The following GATA4 variants were observed in gnomAD, a reference collection of about 807,000 sequenced individuals.
The protein encoded by GATA4 is transcription factor GATA-4.
In GATA4, 7 loss-of-function variants were observed where a neutral mutation model predicts 37.9. The observed-to-expected ratio is 0.18, with a 90% CI of 0.11 to 0.35. The LOEUF is 0.35. Ranked by LOEUF, GATA4 falls within the 10% of genes least tolerant of loss-of-function variation. GATA4 has a pLI of 1.00. For missense variants in GATA4, 647 were observed against 653.0 expected, an observed-to-expected ratio of 0.99 and a Z score of 0.10; for synonymous variants, 372 against 292.6, an observed-to-expected ratio of 1.27 and a Z score of -2.77.
At chr8:11,680,997 C>T (rs1430586418) in intron 1 of GATA4, 1 of 951,042 alleles carries the variant, frequency 1.1e-6, no homozygotes, top group Non-Finnish European at 1.3e-6. Context: ...GCAGAGAGAC[C>T]CCGCACCCCC....
rs1800092806 is a variant in GATA4, at chr8:11,709,838, C to G, written c.616+910C>G. On this transcript the variant is annotated intron_variant, in intron 2 of 6. Transcript: ENST00000532059. This position sits in a 1 kb window ranked among gnomAD's most constrained non-coding sequence, Gnocchi z 4.3. ...AAACGCAGCGGGATCTGAGAAGGGG[C>G]CTGAGTACACGGGCCGGGGGAGAAA... Among the ~76,000 whole-genome samples, 1 of 152,094 alleles carries G rather than the reference C, an allele frequency of 6.6e-6. No individual in the cohort carries two copies. The highest frequency in any genetic ancestry group is 1.5e-5 in the Non-Finnish European group (1 of 67,996).
chr8:11,746,529 C>A (rs536817293), intron 2 of GATA4, among the ~76,000 whole-genome samples: 3 of 152,224 alleles, frequency 2.0e-5, no homozygotes, highest in Non-Finnish European at 2.9e-5. Context: ...GTGTTTATTG[C>A]GAACACCCAA....
chr8:11,679,252 C>T (rs1261169735), intron 1 of GATA4, among the ~76,000 whole-genome samples: 2 of 151,958 alleles, frequency 1.3e-5, no homozygotes, highest in East Asian at 1.9e-4. Context: ...CCCTGAAGGC[C>T]CTGCCTCGGA....
At position 11,680,813 on chromosome 8, in the gene GATA4, C is replaced by T. The variant is rs1188979002; in HGVS notation, c.-274+3750C>T. ...GCCCCTCGCCCTGCTCACCCCGACGCCTCGGTCCCCACGCTCTGGGCAGCA... is the reference window on the plus strand; with the variant it reads ...GCCCCTCGCCCTGCTCACCCCGACGTCTCGGTCCCCACGCTCTGGGCAGCA... On this transcript the variant is annotated intron_variant, in intron 1 of 6. Coordinates refer to the GATA4 transcript ENST00000528712. The T allele has an allele frequency of 5.1e-6, 5 of 985,282 alleles. No individual in the cohort carries two copies. In the African/African-American group the frequency reaches 7.0e-5, roughly 14 times the overall value. 61.0% of individuals were successfully genotyped at this position (985,282 alleles called of 1,614,324 possible).
In GATA4 at chr8:11,723,351, A is replaced by C. The variant is rs571835534; in HGVS notation, c.616+14423A>C. On this transcript the variant is annotated intron_variant, in intron 2 of 6. Coordinates refer to ENST00000532059, the MANE Select transcript of GATA4 (RefSeq NM_001308093.3). ...GCAAGACCCTGTGTTAAAAAAAAAA[A>C]ACAAAAAAACCTCATGGGTTTAAAC... is the stretch of plus-strand genomic sequence containing the variant. Among the ~76,000 whole-genome samples the C allele has an allele frequency of 2.6e-5, 4 of 152,180 alleles. No homozygotes were observed. The South Asian group carries it at 6.2e-4, about 24-fold the overall frequency.
In GATA4 at chr8:11,704,300, A is replaced by C. The variant is rs1002361227; in HGVS notation, c.-462A>C. On this transcript the variant is annotated 5_prime_UTR_variant, in exon 1 of 7. Coordinates refer to ENST00000532059, the MANE Select transcript of GATA4 (RefSeq NM_001308093.3). ...GAGCGTGCGCGGAACCTCCAGGCCC[A>C]GCAGGTAGGGCTTTTTTCTTCCCTT... The C allele has an allele frequency of 6.6e-6, 1 of 152,244 alleles. No individual in the cohort carries two copies. The allele number at this position is 152,244 out of a possible 1,614,324, so 9.4% of individuals were successfully genotyped here. A position where few individuals can be genotyped will look rare whatever the true frequency, so the allele number is the denominator to read the frequency against.
chr8:11,750,280 C>G, intron 4 of GATA4, 44 bp downstream of exon 4: 1 of 1,607,596 alleles, frequency 6.2e-7, no homozygotes, highest in Non-Finnish European at 8.5e-7. Context: ...CCTTCTGATG[C>G]CCATCTCTCA....
At chr8:11,704,771 G>C (rs1405114085) in intron 1 of GATA4, among the ~76,000 whole-genome samples, 1 of 152,236 alleles carries the variant, frequency 6.6e-6, no homozygotes, top group Non-Finnish European at 1.5e-5. Flanking sequence ...GTGCCAGGCA[G>C]CTCCGCTGGG....
chr8:11,728,055 A>G (rs1801019948), intron 2 of GATA4, among the ~76,000 whole-genome samples: 2 of 151,600 alleles, frequency 1.3e-5, no homozygotes, highest in African/African-American at 2.4e-5. Flanking sequence ...CAGTGGTGCA[A>G]TCTCAGCTCA....
chr8:11,744,479 G>A (rs141535687), intron 2 of GATA4, among the ~76,000 whole-genome samples: 7 of 152,322 alleles, frequency 4.6e-5, no homozygotes, highest in East Asian at 1.9e-4. Context: ...CCCTGGCTTC[G>A]GAATCACTCT....
chr8:11,708,774 C>A lies in GATA4; in HGVS notation c.462C>A (p.Phe154Leu). Reference protein sequence around the residue: ...AGREQYGRAGFAGSYSSPYPA... With the variant: ...AGREQYGRAGLAGSYSSPYPA... ...GCGAGCAGTACGGGCGCGCCGGCTT[C>A]GCGGGCTCCTACTCCAGCCCCTACC... The change falls in exon 2 of 7, where the codon TTC (phenylalanine) becomes TTA (leucine). Residue 154 changes from phenylalanine (F) to leucine (L), a missense_variant. By Grantham distance (22) the Phe-to-Leu change is conservative. This residue lies in a region of GATA4 where 379 missense variants were observed against 334.5 expected (regional missense o/e 1.13). Transcript: ENST00000532059. The surrounding 1 kb of genome is among the most constrained non-coding windows in gnomAD (Gnocchi z 6.7). 1 of 1,435,184 alleles carries A rather than the reference C, an allele frequency of 7.0e-7. No homozygotes were observed. The highest frequency in any genetic ancestry group is 9.1e-7 in the Non-Finnish European group (1 of 1,099,564). The allele number at this position is 1,435,184 out of a possible 1,614,324, so 88.9% of individuals were successfully genotyped here.
chr8:11,679,170 G>C (rs1008686904), intron 1 of GATA4, among the ~76,000 whole-genome samples: 29 of 59,386 alleles, frequency 4.9e-4, no homozygotes, highest in African/African-American at 1.1e-3. Flanking sequence ...GCAATTATCC[G>C]AATAATTGCG....
intron 2 of GATA4, among the ~76,000 whole-genome samples, chr8:11,736,599 G>C (rs1172367114): frequency 1.3e-5 from 2 of 152,254 alleles, no homozygotes. Context: ...AGACCCCGGG[G>C]GGTGTGGATG....
At chr8:11,752,943 A>G (rs1802372478) in intron 4 of GATA4, among the ~76,000 whole-genome samples, 1 of 152,250 alleles carries the variant, frequency 6.6e-6, no homozygotes, top group Admixed American at 6.5e-5. Flanking sequence ...GTTCTTCAAT[A>G]TGGGAATGGT....
At chr8:11,704,189 C>G (rs896459871), upstream of GATA4, 1 of 152,238 alleles carries the variant, frequency 6.6e-6, no homozygotes. Flanking sequence ...GCCGGGGACC[C>G]GAGCCGCGAG....
At chr8:11,683,365 G>A (rs1799039233) in intron 1 of GATA4, among the ~76,000 whole-genome samples, 1 of 152,210 alleles carries the variant, frequency 6.6e-6, no homozygotes, top group African/African-American at 2.4e-5. Context: ...GCTGATGCCG[G>A]TAAATAGTAA....
intron 2 of GATA4, among the ~76,000 whole-genome samples, chr8:11,746,514 A>G (rs757902805): frequency 2.0e-5 from 3 of 152,230 alleles, no homozygotes; most frequent in Non-Finnish European, 4.4e-5. Flanking sequence ...TGGTAGCGCC[A>G]CCCAGTGTTT....
At chr8:11,699,834 T>A (rs1322340459), upstream of GATA4, among the ~76,000 whole-genome samples, 1 of 152,288 alleles carries the variant, frequency 6.6e-6, no homozygotes, top group Non-Finnish European at 1.5e-5. Context: ...TTATGAGATA[T>A]AAACTTTTTT....
chr8:11,705,189 G>T (rs778187284), intron 1 of GATA4, among the ~76,000 whole-genome samples: 1 of 152,368 alleles, frequency 6.6e-6, no homozygotes, highest in Non-Finnish European at 1.5e-5. Flanking sequence ...CCCGCACCGT[G>T]GAGGTTGGGG....
Sources: allele counts gnomAD v4.1 joint callset (sites outside exome capture counted in the v4.1 genomes callset), GRCh38; gene constraint gnomAD v4.1.1; regional missense constraint gnomAD v4.1.1; non-coding constraint Gnocchi (gnomAD v3.1); transcripts MANE v1.5; gene names NCBI Gene and HGNC (gene_info 2026-07-23, HGNC 2026-07-21).